Variants in ITPR1 observed in about 807,000 individuals in gnomAD.
The protein encoded by ITPR1 is inositol 1,4,5-trisphosphate receptor type 1.
ITPR1 carries 96 observed loss-of-function variants against 318.4 expected under a neutral mutation model. The ratio of observed to expected loss-of-function variants is 0.30; its 90% CI spans 0.26 to 0.36. ITPR1 has a LOEUF of 0.36. Ranked by LOEUF, ITPR1 falls within the 10% of genes least tolerant of loss-of-function variation. ITPR1 has a pLI of 1.00. For synonymous variants in ITPR1, 1,312 were observed against 1,289.9 expected, an observed-to-expected ratio of 1.02 and a Z score of -0.37; for missense variants, 2,440 against 3,460.2, an observed-to-expected ratio of 0.71 and a Z score of 7.40.
chr3:4,816,266 A>T (rs2049296172), intron 59 of ITPR1: 1 of 152,232 alleles, frequency 6.6e-6, no homozygotes, highest in African/African-American at 2.4e-5. Context: ...GCCTCCGCTG[A>T]CACTGTTGAA....
intron 2 of ITPR1, among the ~76,000 whole-genome samples, chr3:4,498,170 A>G (rs187185999): frequency 6.6e-6 from 1 of 152,352 alleles, no homozygotes; most frequent in Admixed American, 6.5e-5. Flanking sequence ...ACTGAGTTAT[A>G]ACATTTCAAA....
At chr3:4,532,597 C>G (rs1023624528) in intron 4 of ITPR1, among the ~76,000 whole-genome samples, 1 of 152,160 alleles carries the variant, frequency 6.6e-6, no homozygotes, top group African/African-American at 2.4e-5. Flanking sequence ...TCTTAAACTC[C>G]TGGGCTCAAC....
chr3:4,845,038 G>A (rs151263558), intron 61 of ITPR1, among the ~76,000 whole-genome samples: 279 of 152,304 alleles, frequency 1.8e-3, no homozygotes, highest in South Asian at 0.018. Flanking sequence ...TAATAAATTT[G>A]CGTATAACCT....
rs900278353 is a variant in ITPR1, at chr3:4,493,478, G to A, written c.-220G>A. 4 of 154,040 alleles carry A rather than the reference G, an allele frequency of 2.6e-5. No individual in the cohort carries two copies. Among genetic ancestry groups the A allele is most frequent in the African/African-American group, 9.6e-5 (4 of 41,464 alleles). The allele number at this position is 154,040 out of a possible 1,614,324, so 9.5% of individuals were successfully genotyped here. On this transcript the variant is annotated 5_prime_UTR_variant, in exon 1 of 62. Transcript: ENST00000649015. ...AGAGAGAAAGCGCACGCCGAGAGGA[G>A]GTGTGGGTGTTCCGCTTCCATCCTA...
At chr3:4,608,448 C>T (rs1252442526) in intron 4 of ITPR1, among the ~76,000 whole-genome samples, 1 of 152,112 alleles carries the variant, frequency 6.6e-6, no homozygotes, top group Non-Finnish European at 1.5e-5. Context: ...CTGTTGTATT[C>T]ATCAGTCCAT....
intron 4 of ITPR1, among the ~76,000 whole-genome samples, chr3:4,591,075 G>A (rs775140128): frequency 6.6e-6 from 1 of 152,180 alleles, no homozygotes; most frequent in African/African-American, 2.4e-5. Context: ...TTTTATGGCT[G>A]CATAGTATTC....
rs762270883 is a variant in ITPR1, at chr3:4,814,430, C to A, written c.7569C>A (p.Val2523=). ...CSSPAPREEL[V]PAEETEQDKE... is the part of the protein sequence containing the mutation. ...TACTTGCCGTGTTCACAGAGCTGGT[C>A]CCTGCAGAAGAGACGGAACAGGATA... Residue 2523 remains valine, a synonymous_variant, in exon 58 of 62, where the codon GTC becomes GTA. Transcript: ENST00000649015. 6.2e-7 allele frequency: 1 copy of A among 1,613,930 alleles called. No individual in the cohort carries two copies. Among genetic ancestry groups the A allele is most frequent in the Non-Finnish European group, 8.5e-7 (1 of 1,179,864 alleles).
rs1335489745 is a variant in ITPR1 at position 4,836,890 on chromosome 3, A to C, written c.8145A>C (p.Lys2715Asn). Residue 2715 changes from lysine (K) to asparagine (N), a missense_variant, in exon 61 of 62, where the codon AAA (lysine) becomes AAC (asparagine). Around this residue, in one of 23 missense-constraint regions of ITPR1, gnomAD observed 63 missense variants for 63.4 expected, o/e 0.99. Transcript: ENST00000649015. ...NLQEKLESTM[K>N]LVTNLSGQLS... ...AGGAGAAGCTGGAGTCCACCATGAA[A>C]CTTGTCACGAACCTTTCTGGCCAGC... 21 of 1,598,510 alleles carry C rather than the reference A, an allele frequency of 1.3e-5. No homozygotes were observed. Among genetic ancestry groups the C allele is most frequent in the Non-Finnish European group, 1.8e-5 (21 of 1,168,796 alleles).
In ITPR1 at chr3:4,727,142, C is replaced by T; in HGVS notation, c.5189C>T (p.Pro1730Leu). 1.9e-6 allele frequency: 3 copies of T among 1,597,924 alleles called. No homozygotes were observed. Among genetic ancestry groups the T allele is most frequent in the East Asian group, 2.2e-5 (1 of 44,836 alleles). ...ENATEELEPS[P>L]PLRQLEDHKR... ...GCCTAGCAGGAGCTTGAACCAAGTC[C>T]ACCCCTGCGGCAGCTGGAAGACCAT... is the stretch of plus-strand genomic sequence containing the variant. Residue 1730 changes from proline to leucine, a missense_variant, in exon 42 of 62, where the codon CCA (proline) becomes CTA (leucine). Around this residue, in one of 23 missense-constraint regions of ITPR1, gnomAD observed 166 missense variants for 143.7 expected, o/e 1.16. Transcript: ENST00000649015.
At chr3:4,533,259 G>A (rs2083567101) in intron 4 of ITPR1, among the ~76,000 whole-genome samples, 1 of 152,260 alleles carries the variant, frequency 6.6e-6, no homozygotes, top group Non-Finnish European at 1.5e-5. Flanking sequence ...GTCAAGGCTT[G>A]CCGAATCCGG....
chr3:4,662,922 T>G lies in ITPR1; in HGVS notation c.1413-143T>G, dbSNP rs566868942. 1.9e-5 allele frequency: 12 copies of G among 620,582 alleles called. No individual in the cohort carries two copies. The South Asian group carries it at 2.9e-4, about 15-fold the overall frequency. The allele number at this position is 620,582 out of a possible 1,614,324, so 38.4% of individuals were successfully genotyped here. A position where few individuals can be genotyped will look rare whatever the true frequency, so the allele number is the denominator to read the frequency against. ...CTTTCACTCTCTTTGATACTTGGCT[T>G]CTGTTGTCAGTTTCAAAGAAATTGG... On this transcript the variant is annotated intron_variant, in intron 15 of 61. Transcript: ENST00000649015.
chr3:4,591,067 T>C (rs566467905), intron 4 of ITPR1, among the ~76,000 whole-genome samples: 1 of 152,348 alleles, frequency 6.6e-6, no homozygotes, highest in East Asian at 1.9e-4. Flanking sequence ...TCATTCTTTT[T>C]TATGGCTGCA....
At chr3:4,669,902 C>G in intron 19 of ITPR1, 129 bp downstream of exon 19, 1 of 971,800 alleles carries the variant, frequency 1.0e-6, no homozygotes, top group Admixed American at 3.7e-5. Flanking sequence ...ATTTGATCTT[C>G]TTATTGGAAA....
At chr3:4,744,901 CT>C in intron 44 of ITPR1, among the ~76,000 whole-genome samples, 1 of 8,208 alleles carries the variant, frequency 1.2e-4, no homozygotes, top group Non-Finnish European at 2.3e-4. Flanking sequence ...TCCCTCCCTC[CT>C]TCCTTCCTTC....
chr3:4,693,687 G>C lies in ITPR1; in HGVS notation c.4227G>C (p.Leu1409=), dbSNP rs555819278. ...ACACAGAGATCAAGTGCAACTCCCT[G>C]CTCCCGCTGGATGACATCGTTCGCG... ...NVYTEIKCNS[L]LPLDDIVRVV... is the part of the protein sequence containing the mutation. The change falls in exon 33 of 62, where the codon CTG becomes CTC. Residue 1409 remains leucine (L), a synonymous_variant. Coordinates refer to ENST00000649015, the MANE Select transcript of ITPR1 (RefSeq NM_001378452.1). 330 of 1,614,068 alleles carry C rather than the reference G, an allele frequency of 2.0e-4. 4 individuals are homozygous for C. The South Asian group carries it at 3.4e-3, about 17-fold the overall frequency.
chr3:4,773,233 C>T (rs535805993), intron 46 of ITPR1, among the ~76,000 whole-genome samples: 12 of 152,314 alleles, frequency 7.9e-5, no homozygotes, highest in African/African-American at 2.6e-4. Flanking sequence ...GAAGAGGAGT[C>T]ATTCAGGGTG....
chr3:4,683,949 A>G (rs912990413), intron 28 of ITPR1, among the ~76,000 whole-genome samples, 151 bp downstream of exon 28: 4 of 152,200 alleles, frequency 2.6e-5, no homozygotes, highest in African/African-American at 9.6e-5. Flanking sequence ...CTGTTTGCCT[A>G]GGAAATAAGC....
At chr3:4,648,703 G>T (rs138010362) in intron 10 of ITPR1, among the ~76,000 whole-genome samples, 1 of 152,226 alleles carries the variant, frequency 6.6e-6, no homozygotes, top group East Asian at 1.9e-4. Context: ...CCAGCTACTC[G>T]GGAGGCTGAG....
At position 4,779,931 on chromosome 3, in the gene ITPR1, A is replaced by C. The variant is rs113061771; in HGVS notation, c.6387+286A>C. ...TTACTTTTGCACCAACCTATATGAC[A>C]TTGAATACGTGCTGTTTTACCCTCT... On this transcript the variant is annotated intron_variant, in intron 49 of 61. Transcript: ENST00000649015. This position sits in a 1 kb window ranked among gnomAD's most constrained non-coding sequence, Gnocchi z 4.0. 0.017 allele frequency among the ~76,000 whole-genome samples: 2,598 copies of C among 151,782 alleles called. 38 individuals carry two copies. Among genetic ancestry groups the C allele is most frequent in the South Asian group, 0.048 (228 of 4,770 alleles).
Sources: allele counts gnomAD v4.1 joint callset (sites outside exome capture counted in the v4.1 genomes callset), GRCh38; gene constraint gnomAD v4.1.1; regional missense constraint gnomAD v4.1.1; non-coding constraint Gnocchi (gnomAD v3.1); transcripts MANE v1.5; gene names NCBI Gene and HGNC (gene_info 2026-07-23, HGNC 2026-07-21).